The following CCDC187 variants were observed in gnomAD, a reference collection of about 807,000 sequenced individuals.
CCDC187 encodes the protein coiled-coil domain-containing protein 187.
In CCDC187, 32 loss-of-function variants were observed where a neutral mutation model predicts 38.0. The ratio of observed to expected loss-of-function variants is 0.84; its 90% CI spans 0.64 to 1.13. The LOEUF is 1.13. Ranked by LOEUF, CCDC187 falls within the 50% of genes most tolerant of loss-of-function variation. The pLI, the probability that CCDC187 is intolerant of heterozygous loss-of-function variation, is 0.00. For synonymous variants in CCDC187, 333 were observed against 347.9 expected (o/e 0.96, Z 0.48); for missense variants, 707 against 786.8 (o/e 0.90, Z 1.21).
chr9:136,255,281 T>A, intron 25 of CCDC187, 147 bp from the exon 26 acceptor site: 1 of 259,688 alleles, frequency 3.9e-6, no homozygotes, highest in Non-Finnish European at 6.0e-6. Flanking sequence ...TGTTCGACCC[T>A]TGTGATTCCA....
chr9:136,282,453 G>A (rs1398113072), intron 9 of CCDC187, among the ~76,000 whole-genome samples: 1 of 152,206 alleles, frequency 6.6e-6, no homozygotes, highest in South Asian at 2.1e-4. Context: ...AGACGGGTTT[G>A]TGGGCGGAGC....
rs1274148119 is a variant in CCDC187, at chr9:136,264,641, G to A, written c.3736-843C>T. On this transcript the variant is annotated intron_variant, in intron 17 of 25. Coordinates refer to ENST00000638797, the MANE Select transcript of CCDC187 (RefSeq NM_001378188.1). This position sits in a 1 kb window ranked among gnomAD's most constrained non-coding sequence, Gnocchi z 4.3. Reference sequence around the variant, plus strand: ...TGCCTGACACCCCAGGTCGTAGTATGTACAGGGCATCCAGGGCAGGGATGG... The same window carrying A: ...TGCCTGACACCCCAGGTCGTAGTATATACAGGGCATCCAGGGCAGGGATGG... Among the ~76,000 whole-genome samples, 3 of 152,160 alleles carry A rather than the reference G, an allele frequency of 2.0e-5. No individual in the cohort carries two copies. Among genetic ancestry groups the A allele is most frequent in the Non-Finnish European group, 2.9e-5 (2 of 68,022 alleles).
intron 9 of CCDC187, among the ~76,000 whole-genome samples, chr9:136,282,682 G>A (rs1483722768): frequency 4.6e-5 from 7 of 152,216 alleles, no homozygotes; most frequent in African/African-American, 1.2e-4. Flanking sequence ...TCAGCAGCCC[G>A]CAGGGCCCAC....
rs1830765582 is a variant in CCDC187, at chr9:136,267,393, T to TGCTCCAGCCAGGCCA, written c.3623_3637dup (p.Leu1208_Glu1212dup). ...AGGCGCATGCGCTCACCCTCGTCGA[T>TGCTCCAGCCAGGCCA]GCTCCAGCCAGGCCAGCTCCGCGAG... On this transcript the variant is annotated inframe_insertion, in exon 16 of 26. Transcript: ENST00000638797. 2.3e-5 allele frequency: 23 copies of TGCTCCAGCCAGGCCA among 985,482 alleles called. No individual in the cohort carries two copies. Among genetic ancestry groups the TGCTCCAGCCAGGCCA allele is most frequent in the Non-Finnish European group, 2.8e-5 (23 of 830,018 alleles). 61.0% of individuals were successfully genotyped at this position (985,482 alleles called of 1,614,324 possible). A position where few individuals can be genotyped will look rare whatever the true frequency, so the allele number is the denominator to read the frequency against.
At position 136,251,084 on chromosome 9, in the gene CCDC187, C is replaced by T. The variant is rs1190493722; in HGVS notation, c.*2510G>A. The T allele has an allele frequency of 2.2e-6, 1 of 453,198 alleles. No homozygotes were observed. Among genetic ancestry groups the T allele is most frequent in the Non-Finnish European group, 4.5e-6 (1 of 224,414 alleles). 28.1% of individuals were successfully genotyped at this position (453,198 alleles called of 1,614,324 possible). A position where few individuals can be genotyped will look rare whatever the true frequency, so the allele number is the denominator to read the frequency against. On this transcript the variant is annotated 3_prime_UTR_variant, in exon 26 of 26. Transcript: ENST00000638797. The stretch of plus-strand genomic sequence containing the variant: ...ATGCTCCTCTCTGAAGTGGAGGAGG[C>T]CTGAGGCCCTGGACAGGAGAAGCCA...
chr9:136,286,350 G>A lies in CCDC187; in HGVS notation c.2568C>T (p.Asp856=). ...ACGAGCGCAGCAGGCCCACAGCTGG[G>A]TCCCTGACGGTGTCCAGCGCTTCGG... is the stretch of plus-strand genomic sequence containing the variant. ...QGAEALDTVR[D]PAVGLLRSCP... is the part of the protein sequence containing the mutation. Residue 856 remains aspartate (D), a synonymous_variant, in exon 8 of 26, where the codon GAC becomes GAT. Transcript: ENST00000638797. 2.5e-6 allele frequency: 1 copy of A among 398,638 alleles called. No homozygotes were observed. 24.7% of individuals were successfully genotyped at this position (398,638 alleles called of 1,614,324 possible). A position where few individuals can be genotyped will look rare whatever the true frequency, so the allele number is the denominator to read the frequency against.
Position 136,258,591 on chromosome 9 carries a change from G to T in CCDC187, c.4366+341C>A. 1.5e-6 allele frequency: 1 copy of T among 679,684 alleles called. No individual in the cohort carries two copies. The highest frequency in any genetic ancestry group is 6.7e-5 in the South Asian group (1 of 15,032). The allele number at this position is 679,684 out of a possible 1,614,324, so 42.1% of individuals were successfully genotyped here. ...GTTCAGAAAGAGAAAAATGTAATCG[G>T]TGCAGAAACCTCCGTCAGCTGAAGA... On this transcript the variant is annotated intron_variant, in intron 22 of 25. Coordinates refer to ENST00000638797, the MANE Select transcript of CCDC187 (RefSeq NM_001378188.1). This position sits in a 1 kb window ranked among gnomAD's most constrained non-coding sequence, Gnocchi z 4.3.
intron 19 of CCDC187, among the ~76,000 whole-genome samples, chr9:136,261,832 G>A (rs1043805040): frequency 1.3e-5 from 2 of 152,214 alleles, no homozygotes; most frequent in South Asian, 2.1e-4. Flanking sequence ...GCTGGCCCTG[G>A]GGGCCTGAGC....
In CCDC187 at chr9:136,258,738, C is replaced by G. The variant is rs551600470; in HGVS notation, c.4366+194G>C. 1 of 985,490 alleles carries G rather than the reference C, an allele frequency of 1.0e-6. No homozygotes were observed. The highest frequency in any genetic ancestry group is 1.1e-4 in the East Asian group (1 of 8,814). The allele number at this position is 985,490 out of a possible 1,614,324, so 61.0% of individuals were successfully genotyped here. A position where few individuals can be genotyped will look rare whatever the true frequency, so the allele number is the denominator to read the frequency against. ...CTCCAGAAGAGCCGCTGCGTCACCT[C>G]CGGTAGGAGATGGAGCCGGCCACTC... On this transcript the variant is annotated intron_variant, in intron 22 of 25. Coordinates refer to ENST00000638797, the MANE Select transcript of CCDC187 (RefSeq NM_001378188.1). The surrounding 1 kb of genome is among the most constrained non-coding windows in gnomAD (Gnocchi z 4.3).
intron 4 of CCDC187, among the ~76,000 whole-genome samples, chr9:136,293,379 A>G (rs1831411049): frequency 7.1e-6 from 1 of 141,618 alleles, no homozygotes; most frequent in Non-Finnish European, 1.6e-5. Flanking sequence ...TCACACACTC[A>G]CACTCACATG....
In CCDC187 at chr9:136,263,604, C is replaced by G; in HGVS notation, c.3912+18G>C. 1 of 985,386 alleles carries G rather than the reference C, an allele frequency of 1.0e-6. No individual in the cohort carries two copies. Among genetic ancestry groups the G allele is most frequent in the South Asian group, 4.7e-5 (1 of 21,288 alleles). The allele number at this position is 985,386 out of a possible 1,614,324, so 61.0% of individuals were successfully genotyped here. A position where few individuals can be genotyped will look rare whatever the true frequency, so the allele number is the denominator to read the frequency against. On this transcript the variant is annotated intron_variant, in intron 18 of 25. Transcript: ENST00000638797. ...AGCATTTCTGCAGCTGAGTCCCAGC[C>G]CAGGCGAGAGCACCCACCTGCTGCA... is the stretch of plus-strand genomic sequence containing the variant.
rs1830722611 is a variant in CCDC187 at position 136,264,582 on chromosome 9, C to A, written c.3736-784G>T. Among the ~76,000 whole-genome samples the A allele has an allele frequency of 6.6e-6, 1 of 152,164 alleles. No individual in the cohort carries two copies. The highest frequency in any genetic ancestry group is 1.5e-5 in the Non-Finnish European group (1 of 68,034). On this transcript the variant is annotated intron_variant, in intron 17 of 25. Transcript: ENST00000638797. The surrounding 1 kb of genome is among the most constrained non-coding windows in gnomAD (Gnocchi z 4.3). The stretch of plus-strand genomic sequence containing the variant: ...CTGTGCATGGGTCTGTGGCCTGGGT[C>A]TCCGCCCCCAGCTCCCTTGCCTGTA...
At chr9:136,268,742 TATA>T (rs1830790949) in intron 14 of CCDC187, among the ~76,000 whole-genome samples, 1 of 151,600 alleles carries the variant, frequency 6.6e-6, no homozygotes, top group South Asian at 2.1e-4. Flanking sequence ...TACATATATA[TATA>T]TTTTTTCACA....
intron 2 of CCDC187, among the ~76,000 whole-genome samples, 199 bp downstream of exon 2, chr9:136,302,613 T>C (rs1753937183): frequency 6.6e-6 from 1 of 152,162 alleles, no homozygotes; most frequent in Admixed American, 6.5e-5. Flanking sequence ...CGCTCCTCTG[T>C]CGTCTCCAGG....
Position 136,290,517 on chromosome 9 carries a change from A to G in CCDC187, c.2096T>C (p.Val699Ala), listed in dbSNP as rs913228915. 12 of 398,518 alleles carry G rather than the reference A, an allele frequency of 3.0e-5. No homozygotes were observed. The highest frequency in any genetic ancestry group is 5.3e-5 in the Non-Finnish European group (12 of 226,120). The allele number at this position is 398,518 out of a possible 1,614,324, so 24.7% of individuals were successfully genotyped here. Residue 699 changes from valine (V) to alanine (A), a missense_variant, in exon 6 of 26, where the codon GTG becomes GCG. Physicochemically the swap from Val to Ala is moderately conservative, Grantham distance 64. Transcript: ENST00000638797. ...CTGTGCAGAACTGGGGACAAAGGTC[A>G]CGATGCCAGGGGTGGTCCGGGAGAC... ...PVVSRTTPGI[V>A]TFVPSSAQSG...
chr9:136,254,384 GA>G lies in CCDC187; in HGVS notation c.5443del (p.Ser1815LeufsTer7). 1 of 984,900 alleles carries G rather than the reference GA, an allele frequency of 1.0e-6. No individual in the cohort carries two copies. Among genetic ancestry groups the G allele is most frequent in the Non-Finnish European group, 1.2e-6 (1 of 829,614 alleles). 61.0% of individuals were successfully genotyped at this position (984,900 alleles called of 1,614,324 possible). On this transcript the variant is annotated frameshift_variant, in exon 26 of 26. Transcript: ENST00000638797. LOFTEE classifies it low-confidence loss of function (END_TRUNC). ...CCCTTTCAGGCTCTCGCTGGTCCCA[GA>G]AGCTTCCCGCCCCTCCCCGGACCGT... is the stretch of plus-strand genomic sequence containing the variant. Reference protein sequence around the residue: ...SPRSGEGREASGTSESLKGGV... With the variant: ...SPRSGEGREAXGTSESLKGGV...
intron 10 of CCDC187, among the ~76,000 whole-genome samples, chr9:136,280,612 AT>A (rs1256341002): frequency 0.025 from 3,829 of 152,178 alleles, 166 homozygotes; most frequent in African/African-American, 0.087. Context: ...GGTGGATGCT[AT>A]CAGTTGGGGA....
At chr9:136,267,315 CA>C (rs1554761795) in intron 16 of CCDC187, 68 bp downstream of exon 16, 2 of 915,886 alleles carry the variant, frequency 2.2e-6, no homozygotes, top group Admixed American at 8.0e-5. Flanking sequence ...GGCGGGGCTA[CA>C]GCAGGGCGGG....
intron 18 of CCDC187, among the ~76,000 whole-genome samples, chr9:136,263,050 A>C (rs1234571296): frequency 6.6e-6 from 1 of 151,880 alleles, no homozygotes; most frequent in Admixed American, 6.6e-5. Context: ...GGGTCCCATG[A>C]GATCCCCAGT....
Sources: gnomAD v4.1 joint callset for allele counts (sites outside exome capture counted in the v4.1 genomes callset) on GRCh38, gnomAD v4.1.1 for gene constraint, Gnocchi (gnomAD v3.1) non-coding constraint, MANE v1.5 for transcripts, NCBI Gene and HGNC (gene_info 2026-07-23, HGNC 2026-07-21) for gene names.